The following ATP2B2 variants were observed in gnomAD, a reference collection of about 807,000 sequenced individuals.
The protein encoded by ATP2B2 is plasma membrane calcium-transporting ATPase 2.
Under a neutral mutation model 120.0 loss-of-function variants are expected in ATP2B2, and 15 were observed. The ratio of observed to expected loss-of-function variants is 0.12; its 90% CI spans 0.08 to 0.19. The LOEUF (loss-of-function observed/expected upper bound fraction) is 0.19, where lower values mean the gene tolerates loss of function less well. Among genes scored for constraint, ATP2B2 ranks in the 10% least tolerant of loss-of-function variants. The pLI, the probability that ATP2B2 is intolerant of heterozygous loss-of-function variation, is 1.00. For synonymous variants in ATP2B2, 694 were observed against 700.3 expected, an observed-to-expected ratio of 0.99 and a Z score of 0.14; for missense variants, 1,045 against 1,719.8, an observed-to-expected ratio of 0.61 and a Z score of 6.94.
rs1013538233 is a variant in ATP2B2 at position 10,348,557 on chromosome 3, G to T, written c.2404+1555C>A. Reference sequence around the variant, plus strand: ...CTTCCCTCTCCCACCCCGAGGTCCTGGCCCAGATCCTTGAAGGCATCTGGG... The same window carrying T: ...CTTCCCTCTCCCACCCCGAGGTCCTTGCCCAGATCCTTGAAGGCATCTGGG... On this transcript the variant is annotated intron_variant, in intron 16 of 22. Coordinates refer to ENST00000360273, the MANE Select transcript of ATP2B2 (RefSeq NM_001001331.4). 1.1e-4 allele frequency among the ~76,000 whole-genome samples: 16 copies of T among 152,270 alleles called. No homozygotes were observed. The East Asian group carries it at 1.4e-3, about 13-fold the overall frequency.
chr3:10,613,060 T>C (rs930693529), intron 2 of ATP2B2, among the ~76,000 whole-genome samples: 1 of 152,204 alleles, frequency 6.6e-6, no homozygotes, highest in African/African-American at 2.4e-5. Flanking sequence ...GGGCTGAAGA[T>C]TGAGTTCAGT....
In ATP2B2 at chr3:10,435,413, C is replaced by T. The variant is rs1049225193; in HGVS notation, c.199+13932G>A. Among the ~76,000 whole-genome samples, 6 of 152,258 alleles carry T rather than the reference C, an allele frequency of 3.9e-5. No homozygotes were observed. In the East Asian group the frequency reaches 9.6e-4, roughly 24 times the overall value. On this transcript the variant is annotated intron_variant, in intron 2 of 22. Transcript: ENST00000360273. Reference sequence around the variant, plus strand: ...ATCTTCCTGGAGGGTCCACAGGCCTCGCAGTCAATCATGAATTCACTAGGC... The same window carrying T: ...ATCTTCCTGGAGGGTCCACAGGCCTTGCAGTCAATCATGAATTCACTAGGC...
intron 5 of ATP2B2, among the ~76,000 whole-genome samples, chr3:10,395,517 G>A (rs561905822): frequency 6.6e-6 from 1 of 152,370 alleles, no homozygotes; most frequent in Non-Finnish European, 1.5e-5. Context: ...GAGGAGGAGA[G>A]TGAGATTTGT....
chr3:10,380,241 T>C (rs935445720), intron 8 of ATP2B2, among the ~76,000 whole-genome samples: 1 of 152,206 alleles, frequency 6.6e-6, no homozygotes, highest in East Asian at 1.9e-4. Context: ...ATGTGGGCAA[T>C]GGAGGCCTCT....
chr3:10,394,913 C>G (rs2061985454), intron 5 of ATP2B2, among the ~76,000 whole-genome samples: 2 of 152,122 alleles, frequency 1.3e-5, no homozygotes, highest in Non-Finnish European at 1.5e-5. Flanking sequence ...GGCATCTAGT[C>G]TAGTCCTGCA....
At chr3:10,613,034 C>T (rs570645137) in intron 2 of ATP2B2, among the ~76,000 whole-genome samples, 35 of 152,258 alleles carry the variant, frequency 2.3e-4, no homozygotes, top group African/African-American at 7.9e-4. Flanking sequence ...CCAGCCTGGC[C>T]TCCACCGAGG....
At chr3:10,513,484 A>T (rs2066815718) in intron 3 of ATP2B2, among the ~76,000 whole-genome samples, 1 of 152,036 alleles carries the variant, frequency 6.6e-6, no homozygotes, top group Non-Finnish European at 1.5e-5. Flanking sequence ...GGTTTTCAGG[A>T]TGGAACCCGA....
At chr3:10,405,652 T>C (rs2062384834) in intron 3 of ATP2B2, among the ~76,000 whole-genome samples, 1 of 152,172 alleles carries the variant, frequency 6.6e-6, no homozygotes, top group Admixed American at 6.5e-5. Context: ...GAACTGCAAC[T>C]GCTCTTCCTG....
At chr3:10,398,196 G>A (rs1182480569) in intron 5 of ATP2B2, among the ~76,000 whole-genome samples, 3 of 152,170 alleles carry the variant, frequency 2.0e-5, no homozygotes, top group Non-Finnish European at 4.4e-5. Flanking sequence ...CTCCAGGGAA[G>A]GCCACTAGAA....
intron 2 of ATP2B2, among the ~76,000 whole-genome samples, chr3:10,542,019 G>A (rs1290482925): frequency 6.6e-6 from 1 of 151,604 alleles, no homozygotes; most frequent in African/African-American, 2.4e-5. Context: ...TCTATCTCCA[G>A]TAATTTACTT....
chr3:10,600,895 C>T (rs760552479), intron 2 of ATP2B2, among the ~76,000 whole-genome samples: 5 of 152,068 alleles, frequency 3.3e-5, no homozygotes, highest in Non-Finnish European at 7.4e-5. Flanking sequence ...AGGCAAAAGC[C>T]CAGATGAAGT....
At chr3:10,470,685 G>A (rs895075034) in intron 1 of ATP2B2, among the ~76,000 whole-genome samples, 2 of 152,182 alleles carry the variant, frequency 1.3e-5, no homozygotes, top group African/African-American at 4.8e-5. Context: ...GAGTCCTGGG[G>A]TTGTGCCCCT....
rs768020427 is a variant in ATP2B2, at chr3:10,410,809, G to A, written c.206C>T (p.Pro69Leu). ...CTTTTCCAGGTCTGGAGCGGTGCCC[G>A]GCAAACCTGTGGACAGAGAACAGAG... ...RLKTSPVEGL[P>L]GTAPDLEKRK... Residue 69 changes from proline to leucine, a missense_variant, in exon 3 of 23, where the codon CCG (proline) becomes CTG (leucine). Physicochemically the swap from Pro to Leu is moderately conservative, Grantham distance 98 (BLOSUM62 -3). This residue lies in a region of ATP2B2 where 139 missense variants were observed against 134.2 expected (regional missense o/e 1.04). Transcript: ENST00000360273. The A allele has an allele frequency of 4.9e-5, 79 of 1,613,582 alleles. No homozygotes were observed. The highest frequency in any genetic ancestry group is 3.3e-4 in the Middle Eastern group (2 of 5,992).
chr3:10,626,963 C>T (rs1207548001), intron 1 of ATP2B2, among the ~76,000 whole-genome samples: 2 of 151,828 alleles, frequency 1.3e-5, no homozygotes, highest in East Asian at 3.9e-4. Flanking sequence ...AATGACACTG[C>T]CCAGGAGTCC....
intron 5 of ATP2B2, among the ~76,000 whole-genome samples, chr3:10,390,519 TGTGTGC>T (rs2061817477): frequency 2.1e-5 from 3 of 141,668 alleles, no homozygotes; most frequent in Admixed American, 7.0e-5. Context: ...TGTGTGTGTG[TGTGTGC>T]GCTTGCAACA....
Position 10,342,625 on chromosome 3 carries a change from T to C in ATP2B2, c.2917+127A>G. 1 of 1,168,710 alleles carries C rather than the reference T, an allele frequency of 8.6e-7. No homozygotes were observed. Among genetic ancestry groups the C allele is most frequent in the Non-Finnish European group, 1.2e-6 (1 of 805,736 alleles). 72.4% of individuals were successfully genotyped at this position (1,168,710 alleles called of 1,614,324 possible). ...CCTTGGGCAACTTACTTGACCTCCC[T>C]GGGCCTCAATTTCCCCATTAGCAAA... On this transcript the variant is annotated intron_variant, in intron 19 of 22. Transcript: ENST00000360273. This position sits in a 1 kb window ranked among gnomAD's most constrained non-coding sequence, Gnocchi z 4.4.
intron 22 of ATP2B2, chr3:10,330,363 C>T (rs1391132350): frequency 6.5e-6 from 1 of 153,318 alleles, no homozygotes; most frequent in Non-Finnish European, 1.5e-5. Flanking sequence ...TGTCCTCTGT[C>T]CTGCCTCACA....
At chr3:10,416,456 G>T (rs1046995386) in intron 2 of ATP2B2, among the ~76,000 whole-genome samples, 1 of 152,102 alleles carries the variant, frequency 6.6e-6, no homozygotes, top group African/African-American at 2.4e-5. Flanking sequence ...TGGTCTGCCC[G>T]GTGTTTTTAA....
At chr3:10,390,479 T>G (rs1393456766) in intron 5 of ATP2B2, among the ~76,000 whole-genome samples, 3 of 144,746 alleles carry the variant, frequency 2.1e-5, no homozygotes, top group African/African-American at 7.8e-5. Flanking sequence ...TGTGCCTGTG[T>G]GTGTGTGCGT....
Sources: gnomAD v4.1 joint callset for allele counts (sites outside exome capture counted in the v4.1 genomes callset) on GRCh38, gnomAD v4.1.1 for gene constraint, gnomAD v4.1.1 regional missense constraint, Gnocchi (gnomAD v3.1) non-coding constraint, MANE v1.5 for transcripts, NCBI Gene and HGNC (gene_info 2026-07-23, HGNC 2026-07-21) for gene names.